STK32C: variants seen among roughly 807,000 people sequenced by gnomAD.
The protein encoded by STK32C is serine/threonine kinase 32C.
Under a neutral mutation model 56.5 loss-of-function variants are expected in STK32C, and 31 were observed. That is an observed-to-expected ratio of 0.55 (90% CI 0.41 to 0.74). The LOEUF (loss-of-function observed/expected upper bound fraction) is 0.74, where lower values mean the gene tolerates loss of function less well. Ranked by LOEUF, STK32C falls within the 30% of genes least tolerant of loss-of-function variation. The pLI is 0.00. For missense variants in STK32C, 544 were observed against 676.9 expected (o/e 0.80, Z 2.18); for synonymous variants, 309 against 289.4 (o/e 1.07, Z -0.69).
At chr10:132,311,385 C>G (rs1429339970), upstream of STK32C, among the ~76,000 whole-genome samples, 2 of 152,238 alleles carry the variant, frequency 1.3e-5, no homozygotes. This position sits in a 1 kb window ranked among gnomAD's most constrained non-coding sequence, Gnocchi z 4.4. Flanking sequence ...CCACGGACAG[C>G]CTCCCTCCTG....
chr10:132,245,783 G>C, intron 2 of STK32C, 117 bp downstream of exon 2: 1 of 1,040,482 alleles, frequency 9.6e-7, no homozygotes, highest in Non-Finnish European at 1.4e-6. Context: ...CTCTGCCCAG[G>C]TAAGGCTGCT....
At chr10:132,315,255 G>A (rs1287141672) in intron 1 of STK32C, among the ~76,000 whole-genome samples, 1 of 152,018 alleles carries the variant, frequency 6.6e-6, no homozygotes, top group Non-Finnish European at 1.5e-5. Context: ...TTCATAAGTG[G>A]AAGCTGAACA....
intron 10 of STK32C, among the ~76,000 whole-genome samples, chr10:132,218,507 CTAAGA>C (rs1287885131): frequency 6.6e-6 from 1 of 152,110 alleles, no homozygotes; most frequent in Non-Finnish European, 1.5e-5. Context: ...TCACTGCACA[CTAAGA>C]TAACTATGAT....
intron 1 of STK32C, among the ~76,000 whole-genome samples, chr10:132,258,309 C>T (rs2064192969): frequency 6.6e-6 from 1 of 152,244 alleles, no homozygotes; most frequent in South Asian, 2.1e-4. Flanking sequence ...CACACATTAG[C>T]ACTTGGTAGA....
At chr10:132,227,379 G>A (rs1261042046) in intron 3 of STK32C, among the ~76,000 whole-genome samples, 1 of 152,232 alleles carries the variant, frequency 6.6e-6, no homozygotes, top group Non-Finnish European at 1.5e-5. Context: ...GCAAAGAGCT[G>A]GCATTTAACA....
Position 132,225,622 on chromosome 10 carries a change from CAG to C in STK32C, c.683-8_683-7del. 6.2e-7 allele frequency: 1 copy of C among 1,610,640 alleles called. No individual in the cohort carries two copies. ...GTCGGTCAGGTGTGCATGTCCTGTG[CAG>C]AGAGGGGTCAGGTGTGGCTGTCCCA... is the stretch of plus-strand genomic sequence containing the variant. On this transcript the variant is annotated splice_polypyrimidine_tract_variant and splice_region_variant and intron_variant, in intron 5 of 11. Coordinates refer to ENST00000298630, the MANE Select transcript of STK32C (RefSeq NM_173575.4).
chr10:132,225,369 A>C (rs1226058348), intron 6 of STK32C, 33 bp from the exon 7 acceptor site: 1 of 1,594,924 alleles, frequency 6.3e-7, no homozygotes, highest in South Asian at 1.1e-5. Flanking sequence ...AACAGCTGCC[A>C]CGGGGTCACA....
chr10:132,307,851 C>T lies in STK32C; in HGVS notation c.-18G>A, dbSNP rs1381233936. The T allele has an allele frequency of 3.5e-6, 4 of 1,143,760 alleles. No homozygotes were observed. The highest frequency in any genetic ancestry group is 1.7e-5 in the African/African-American group (1 of 58,192). 70.9% of individuals were successfully genotyped at this position (1,143,760 alleles called of 1,614,324 possible). On this transcript the variant is annotated 5_prime_UTR_variant, in exon 1 of 12. Transcript: ENST00000298630. This position sits in a 1 kb window ranked among gnomAD's most constrained non-coding sequence, Gnocchi z 4.4. ...CTCCTCATCGCCGGGTCTGGGTGCGCGCGGCAGCCGGAACTCGGGGCATGG... is the reference window on the plus strand; with the variant it reads ...CTCCTCATCGCCGGGTCTGGGTGCGTGCGGCAGCCGGAACTCGGGGCATGG...
In STK32C at chr10:132,331,720, C is replaced by G. The variant is rs562443497; in HGVS notation, c.17G>C (p.Trp6Ser). ...GCCCGCCCCGGGCCCTCCGGCTCCC[C>G]AGACGGCACTTAGCATCCCGCTCTC... Residue 6 changes from tryptophan to serine, a missense_variant, in exon 1 of 2, where the codon TGG (tryptophan) becomes TCG (serine). Transcript: ENST00000368619. 3.6e-5 allele frequency: 58 copies of G among 1,612,640 alleles called. 1 individual carries two copies. The South Asian group carries it at 5.8e-4, about 16-fold the overall frequency.
chr10:132,291,124 G>A (rs754771328), intron 1 of STK32C, among the ~76,000 whole-genome samples: 22 of 152,214 alleles, frequency 1.4e-4, no homozygotes, highest in Non-Finnish European at 2.5e-4. Context: ...AGAAACCACC[G>A]GAGGGCAAAT....
downstream of STK32C, among the ~76,000 whole-genome samples, chr10:132,319,189 T>A (rs1444571624): frequency 6.6e-6 from 1 of 152,190 alleles, no homozygotes; most frequent in Non-Finnish European, 1.5e-5. Context: ...CTTCAGGTGA[T>A]CCGCCCACCT....
At chr10:132,266,874 C>T (rs1003650408) in intron 1 of STK32C, among the ~76,000 whole-genome samples, 2 of 152,028 alleles carry the variant, frequency 1.3e-5, no homozygotes, top group South Asian at 4.2e-4. Context: ...GTCAGAACAA[C>T]AGGACTTCTC....
intron 10 of STK32C, among the ~76,000 whole-genome samples, chr10:132,219,800 A>C (rs2062577803): frequency 6.6e-6 from 1 of 152,096 alleles, no homozygotes; most frequent in Non-Finnish European, 1.5e-5. Flanking sequence ...CCTGCCCCCC[A>C]CATCATGGTG....
intron 1 of STK32C, among the ~76,000 whole-genome samples, chr10:132,281,812 A>G (rs2065216040): frequency 1.3e-5 from 2 of 152,192 alleles, no homozygotes; most frequent in South Asian, 2.1e-4. Context: ...ACCTTGGGAG[A>G]AGCCCGGGTG....
At position 132,222,554 on chromosome 10, in the gene STK32C, CAG is replaced by C. The variant is rs2062716833; in HGVS notation, c.1251+85_1251+86del. On this transcript the variant is annotated intron_variant, in intron 10 of 11. Transcript: ENST00000298630. ...TGGACTTCCGAGACGTGTGCGCTGC[CAG>C]GGGTCCCCACACGCCTTGCTCGGTG... 9 of 1,532,184 alleles carry C rather than the reference CAG, an allele frequency of 5.9e-6. No individual in the cohort carries two copies. The East Asian group carries it at 2.1e-4, about 35-fold the overall frequency. 94.9% of individuals were successfully genotyped at this position (1,532,184 alleles called of 1,614,324 possible). A position where few individuals can be genotyped will look rare whatever the true frequency, so the allele number is the denominator to read the frequency against.
downstream of STK32C, among the ~76,000 whole-genome samples, chr10:132,321,877 C>T (rs1298458379): frequency 6.6e-6 from 1 of 152,140 alleles, no homozygotes. Flanking sequence ...CATGATCCCG[C>T]GGGGCACATT....
intron 1 of STK32C, among the ~76,000 whole-genome samples, chr10:132,315,529 A>G (rs1366790993): frequency 6.6e-6 from 1 of 152,234 alleles, no homozygotes; most frequent in African/African-American, 2.4e-5. Flanking sequence ...ACAATCCCAA[A>G]TATGTATGCG....
At chr10:132,290,413 T>C (rs2065528911) in intron 1 of STK32C, among the ~76,000 whole-genome samples, 1 of 152,316 alleles carries the variant, frequency 6.6e-6, no homozygotes, top group Middle Eastern at 3.4e-3. Context: ...CCTGCCCACA[T>C]GGCTTTCTCA....
Position 132,228,035 on chromosome 10 carries a change from C to G in STK32C, c.412G>C (p.Val138Leu). 6.2e-7 allele frequency: 1 copy of G among 1,613,956 alleles called. No individual in the cohort carries two copies. Among genetic ancestry groups the G allele is most frequent in the South Asian group, 1.1e-5 (1 of 91,086 alleles). ...TGCAGGATCTCCAGCTCCCGGAAGA[C>G]GTTGCGGACCTCGTCGCGCTCGATG... is the stretch of plus-strand genomic sequence containing the variant. ...QCIERDEVRN[V>L]FRELEILQEI... The change falls in exon 3 of 12, where the codon GTC becomes CTC. Residue 138 changes from valine to leucine, a missense_variant. Coordinates refer to ENST00000298630, the MANE Select transcript of STK32C (RefSeq NM_173575.4).
Sources: gnomAD v4.1 joint callset for allele counts (sites outside exome capture counted in the v4.1 genomes callset) on GRCh38, gnomAD v4.1.1 for gene constraint, Gnocchi (gnomAD v3.1) non-coding constraint, MANE v1.5 for transcripts, NCBI Gene and HGNC (gene_info 2026-07-23, HGNC 2026-07-21) for gene names.